KLF5: variants seen among roughly 807,000 people sequenced by gnomAD.
The protein encoded by KLF5 is KLF transcription factor 5, also known as Krueppel-like factor 5.
In KLF5, 9 loss-of-function variants were observed where a neutral mutation model predicts 36.9. That is an observed-to-expected ratio of 0.24 (90% CI 0.15 to 0.43). The LOEUF is 0.43. Ranked by LOEUF, KLF5 falls within the 20% of genes least tolerant of loss-of-function variation. KLF5 has a pLI of 1.00. For synonymous variants in KLF5, 246 were observed against 241.7 expected (o/e 1.02, Z -0.17); for missense variants, 524 against 599.5 (o/e 0.87, Z 1.31).
intron 3 of KLF5, among the ~76,000 whole-genome samples, chr13:73,073,984 A>G (rs1380827696): frequency 6.6e-6 from 1 of 152,208 alleles, no homozygotes; most frequent in Non-Finnish European, 1.5e-5. Flanking sequence ...TTCATTTTTA[A>G]AGTGGATTGA....
Position 73,059,299 on chromosome 13 carries a change from C to A in KLF5, c.-29C>A. 7.5e-7 allele frequency: 1 copy of A among 1,341,226 alleles called. No individual in the cohort carries two copies. The highest frequency in any genetic ancestry group is 3.6e-5 in the Admixed American group (1 of 27,416). The allele number at this position is 1,341,226 out of a possible 1,614,324, so 83.1% of individuals were successfully genotyped here. A position where few individuals can be genotyped will look rare whatever the true frequency, so the allele number is the denominator to read the frequency against. The stretch of plus-strand genomic sequence containing the variant: ...GGCGAGGTGGGAAGTGCGCCCGACC[C>A]GCGCCTGGAGCTGCGCCCCCGAGTG... On this transcript the variant is annotated 5_prime_UTR_variant, in exon 1 of 4. Transcript: ENST00000377687.
intron 3 of KLF5, among the ~76,000 whole-genome samples, chr13:73,064,790 C>T (rs1437542484): frequency 6.6e-6 from 1 of 152,182 alleles, no homozygotes; most frequent in Non-Finnish European, 1.5e-5. Flanking sequence ...TATCCACCTG[C>T]CTCGGCCTCC....
chr13:73,075,762 C>A lies in KLF5; in HGVS notation c.1250C>A (p.Ser417Ter). The change falls in exon 4 of 4, where the codon TCG becomes TAG. Residue 417 changes from serine (S) to a stop codon, truncating the protein, a stop_gained. Transcript: ENST00000377687. LOFTEE classifies it high-confidence loss of function. Reference sequence around the variant, plus strand: ...GGCTGCGACTGGAGGTTCGCGCGATCGGATGAGCTGACCCGCCACTACCGG... The same window carrying A: ...GGCTGCGACTGGAGGTTCGCGCGATAGGATGAGCTGACCCGCCACTACCGG... ...WEGCDWRFAR[S>*]DELTRHYRKH... is the part of the protein sequence containing the mutation. The A allele has an allele frequency of 6.2e-7, 1 of 1,611,426 alleles. No individual in the cohort carries two copies. The highest frequency in any genetic ancestry group is 8.5e-7 in the Non-Finnish European group (1 of 1,178,766).
At chr13:73,069,832 T>C (rs916557936) in intron 3 of KLF5, among the ~76,000 whole-genome samples, 3 of 152,238 alleles carry the variant, frequency 2.0e-5, no homozygotes, top group African/African-American at 7.2e-5. Flanking sequence ...ATGAATAATC[T>C]CTTCTTGCCC....
chr13:73,060,734 C>T (rs927064611), intron 1 of KLF5: 3 of 152,140 alleles, frequency 2.0e-5, no homozygotes, highest in Non-Finnish European at 4.4e-5. Flanking sequence ...GTTAAGGTGC[C>T]ACAGCTAATA....
At chr13:73,063,240 A>G (rs1254905974) in intron 2 of KLF5, among the ~76,000 whole-genome samples, 2 of 152,260 alleles carry the variant, frequency 1.3e-5, no homozygotes, top group African/African-American at 4.8e-5. Context: ...TCTACAAGAC[A>G]GATTTAAGAA....
Position 73,059,599 on chromosome 13 carries a change from C to A in KLF5, c.261+11C>A. 1 of 1,150,204 alleles carries A rather than the reference C, an allele frequency of 8.7e-7. No homozygotes were observed. 71.2% of individuals were successfully genotyped at this position (1,150,204 alleles called of 1,614,324 possible). A position where few individuals can be genotyped will look rare whatever the true frequency, so the allele number is the denominator to read the frequency against. On this transcript the variant is annotated intron_variant, in intron 1 of 3. Transcript: ENST00000377687. ...GAGGACCTGGTCCAGGTAGGAAGAGCCGCTCCCCTCCCACCGCAGCACTCC... is the reference window on the plus strand; with the variant it reads ...GAGGACCTGGTCCAGGTAGGAAGAGACGCTCCCCTCCCACCGCAGCACTCC...
chr13:73,072,545 A>C (rs943927606), intron 3 of KLF5, among the ~76,000 whole-genome samples: 3 of 152,200 alleles, frequency 2.0e-5, no homozygotes, highest in Non-Finnish European at 4.4e-5. Context: ...TGTGTTCCTT[A>C]AATCGTTCAA....
intron 3 of KLF5, among the ~76,000 whole-genome samples, chr13:73,066,336 T>C (rs2139109923): frequency 6.6e-6 from 1 of 152,022 alleles, no homozygotes; most frequent in African/African-American, 2.4e-5. Context: ...TTTTTTTTCT[T>C]TCCCTTTAAG....
chr13:73,072,196 T>C (rs1218738409), intron 3 of KLF5, among the ~76,000 whole-genome samples: 1 of 151,986 alleles, frequency 6.6e-6, no homozygotes, highest in African/African-American at 2.4e-5. Context: ...TCCCATTCCA[T>C]TGTGATAGGT....
chr13:73,063,062 T>C (rs2044651719), intron 2 of KLF5, among the ~76,000 whole-genome samples: 1 of 152,162 alleles, frequency 6.6e-6, no homozygotes, highest in Admixed American at 6.5e-5. Flanking sequence ...CTAATACATA[T>C]TATTTCGAGT....
chr13:73,075,745 C>G lies in KLF5; in HGVS notation c.1233C>G (p.Asp411Glu). 1 of 1,611,308 alleles carries G rather than the reference C, an allele frequency of 6.2e-7. No individual in the cohort carries two copies. The highest frequency in any genetic ancestry group is 8.5e-7 in the Non-Finnish European group (1 of 1,178,002). ...ACAAGTGTACCTGGGAAGGCTGCGA[C>G]TGGAGGTTCGCGCGATCGGATGAGC... ...KPYKCTWEGC[D>E]WRFARSDELT... The change falls in exon 4 of 4, where the codon GAC (aspartate) becomes GAG (glutamate). Residue 411 changes from aspartate to glutamate, a missense_variant. By Grantham distance (45) the Asp-to-Glu change is conservative. This residue lies in a region of KLF5 where 46 missense variants were observed against 105.8 expected (regional missense o/e 0.43). Transcript: ENST00000377687.
At chr13:73,063,448 A>G (rs1456210428) in intron 2 of KLF5, among the ~76,000 whole-genome samples, 1 of 152,236 alleles carries the variant, frequency 6.6e-6, no homozygotes, top group African/African-American at 2.4e-5. Context: ...ATGTGGGAGT[A>G]CAGAAAATTA....
chr13:73,058,589 C>CT (rs1488548310), upstream of KLF5, among the ~76,000 whole-genome samples: 1 of 152,216 alleles, frequency 6.6e-6, no homozygotes, highest in Non-Finnish European at 1.5e-5. Context: ...TGGGTTTCAG[C>CT]TTTTGAGTTT....
Position 73,059,296 on chromosome 13 carries a change from A to C in KLF5, c.-32A>C. The C allele has an allele frequency of 7.5e-7, 1 of 1,335,036 alleles. No individual in the cohort carries two copies. 82.7% of individuals were successfully genotyped at this position (1,335,036 alleles called of 1,614,324 possible). On this transcript the variant is annotated 5_prime_UTR_variant, in exon 1 of 4. Coordinates refer to ENST00000377687, the MANE Select transcript of KLF5 (RefSeq NM_001730.5). ...GTGGGCGAGGTGGGAAGTGCGCCCG[A>C]CCCGCGCCTGGAGCTGCGCCCCCGA...
chr13:73,068,260 T>G (rs551349787), intron 3 of KLF5, among the ~76,000 whole-genome samples: 273 of 152,358 alleles, frequency 1.8e-3, no homozygotes, highest in Non-Finnish European at 3.1e-3. Flanking sequence ...CATTCCCATT[T>G]TCTGCCTTAC....
At chr13:73,057,604 TA>T (rs1308020931), upstream of KLF5, among the ~76,000 whole-genome samples, 1 of 152,238 alleles carries the variant, frequency 6.6e-6, no homozygotes, top group East Asian at 1.9e-4. Flanking sequence ...ATGTGCATAT[TA>T]ATTTTCTACC....
chr13:73,059,993 C>T (rs2044621130), intron 1 of KLF5, among the ~76,000 whole-genome samples: 1 of 151,684 alleles, frequency 6.6e-6, no homozygotes, highest in Admixed American at 6.6e-5. Context: ...TCCCCCCCAT[C>T]CCCATCGTCT....
Position 73,071,505 on chromosome 13 carries a change from G to C in KLF5, c.1196-4203G>C, listed in dbSNP as rs184785339. On this transcript the variant is annotated intron_variant, in intron 3 of 3. Transcript: ENST00000377687. Reference sequence around the variant, plus strand: ...TTTTTGATGGAAAATTACTGGCATAGACGTAAAAATATGAATTAGTGAGCT... The same window carrying C: ...TTTTTGATGGAAAATTACTGGCATACACGTAAAAATATGAATTAGTGAGCT... 2.0e-5 allele frequency among the ~76,000 whole-genome samples: 3 copies of C among 152,248 alleles called. No individual in the cohort carries two copies. The East Asian group carries it at 5.8e-4, about 29-fold the overall frequency.
Sources: allele counts gnomAD v4.1 joint callset (sites outside exome capture counted in the v4.1 genomes callset), GRCh38; gene constraint gnomAD v4.1.1; regional missense constraint gnomAD v4.1.1; transcripts MANE v1.5; gene names NCBI Gene and HGNC (gene_info 2026-07-23, HGNC 2026-07-21).